Variants in MSN observed in about 807,000 individuals in gnomAD.
MSN encodes the protein epididymis luminal protein 70.
MSN carries 2 observed loss-of-function variants against 48.0 expected under a neutral mutation model. The observed-to-expected ratio is 0.04, with a 90% CI of 0.02 to 0.13. MSN has a LOEUF of 0.13. Ranked by LOEUF, MSN falls within the 10% of genes least tolerant of loss-of-function variation. The probability of loss-of-function intolerance (pLI) is 1.00; values close to 1 mark genes in which losing one functional copy is unlikely to be tolerated. For missense variants in MSN, 267 were observed against 470.1 expected, an observed-to-expected ratio of 0.57 and a Z score of 3.99; for synonymous variants, 146 against 166.9, an observed-to-expected ratio of 0.87 and a Z score of 0.97.
chrX:65,694,407 G>T (rs2071209463), intron 1 of MSN, among the ~76,000 whole-genome samples: 1 of 108,420 alleles, frequency 9.2e-6, no homozygotes, highest in Non-Finnish European at 1.9e-5. Context: ...TCCGCTCACT[G>T]CAGCCTTTGC....
chrX:65,631,749 A>G (rs1404610660), intron 1 of MSN, among the ~76,000 whole-genome samples: 1 of 111,757 alleles, frequency 8.9e-6, no homozygotes, highest in African/African-American at 3.3e-5. Flanking sequence ...ATCATGGCGC[A>G]CTGCAGCCTC....
chrX:65,605,754 C>A (rs1204304009), intron 1 of MSN, among the ~76,000 whole-genome samples: 2 of 111,286 alleles, frequency 1.8e-5, no homozygotes, highest in South Asian at 3.8e-4. Flanking sequence ...AAACCCATCA[C>A]CACCTCCTCT....
At chrX:65,696,239 A>G (rs1239172422) in intron 1 of MSN, among the ~76,000 whole-genome samples, 1 of 110,837 alleles carries the variant, frequency 9.0e-6, no homozygotes, top group Non-Finnish European at 1.9e-5. Context: ...ACACACACAC[A>G]CACACACACA....
chrX:65,637,218 C>T (rs1431576311), intron 1 of MSN, among the ~76,000 whole-genome samples: 2 of 109,506 alleles, frequency 1.8e-5, no homozygotes, highest in African/African-American at 6.6e-5. Flanking sequence ...GCGTGACCAA[C>T]ATAGAGAAAC....
intron 1 of MSN, among the ~76,000 whole-genome samples, chrX:65,622,510 GTT>G (rs1216557190): frequency 0.15 from 10,144 of 66,302 alleles, 1,537 homozygotes; most frequent in African/African-American, 0.46. Flanking sequence ...AGGCATCTTT[GTT>G]TTTTTTTTTT....
chrX:65,597,463 C>T (rs1201754781), intron 1 of MSN, among the ~76,000 whole-genome samples: 7 of 111,063 alleles, frequency 6.3e-5, no homozygotes, highest in African/African-American at 1.6e-4. Flanking sequence ...TCTCCCACCT[C>T]GCCCTCCCTA....
chrX:65,626,418 C>T (rs1461297242), intron 1 of MSN, among the ~76,000 whole-genome samples: 1 of 111,862 alleles, frequency 8.9e-6, no homozygotes, highest in East Asian at 2.8e-4. Context: ...TCAGATTCTC[C>T]TCTTTCTTCA....
chrX:65,738,520 CG>C lies in MSN; in HGVS notation c.1252-4del. 1 of 1,201,963 alleles carries C rather than the reference CG, an allele frequency of 8.3e-7. No homozygotes were observed. The highest frequency in any genetic ancestry group is 1.8e-5 in the South Asian group (1 of 55,316). ...AGCTCTCACAGGCTTCCAATTTATC[CG>C]TAGGCCTTGGAAATGGCAGAGCTGA... On this transcript the variant is annotated splice_region_variant and splice_polypyrimidine_tract_variant and intron_variant, in intron 10 of 12. Transcript: ENST00000360270.
chrX:65,694,394 A>G (rs1402667348), intron 1 of MSN, among the ~76,000 whole-genome samples: 8 of 107,797 alleles, frequency 7.4e-5, no homozygotes, highest in Non-Finnish European at 1.3e-4. Flanking sequence ...CAGTGGCACG[A>G]TCTCCGCTCA....
chrX:65,730,098 G>A (rs962784284), intron 4 of MSN, among the ~76,000 whole-genome samples: 1 of 111,809 alleles, frequency 8.9e-6, no homozygotes, highest in African/African-American at 3.3e-5. Context: ...GCAAACCGAG[G>A]ACATGGGGAG....
At chrX:65,716,679 T>G in intron 1 of MSN, 139 bp from the exon 2 acceptor site, 1 of 504,418 alleles carries the variant, frequency 2.0e-6, no homozygotes, top group East Asian at 3.7e-5. Context: ...ATATTCTCCC[T>G]TCATCCCCAT....
Position 65,619,395 on chromosome X carries a change from C to T in MSN, c.-22+30783C>T, listed in dbSNP as rs1227697799. On this transcript the variant is annotated intron_variant, in intron 1 of 3. Transcript: ENST00000609672. The stretch of plus-strand genomic sequence containing the variant: ...CACATAGTCCCATATTTCTTGGAGG[C>T]TTTGTTCATTTCTTTTTATTCTTTT... Among the ~76,000 whole-genome samples, 74 of 97,807 alleles carry T rather than the reference C, an allele frequency of 7.6e-4. 1 individual carries two copies. The highest frequency in any genetic ancestry group is 4.4e-3 in the South Asian group (11 of 2,517). The allele number at this position is 97,807 out of a possible 115,157, so 84.9% of individuals were successfully genotyped here. A position where few individuals can be genotyped will look rare whatever the true frequency, so the allele number is the denominator to read the frequency against.
At chrX:65,642,966 C>T (rs1053433824) in intron 1 of MSN, among the ~76,000 whole-genome samples, 1 of 110,640 alleles carries the variant, frequency 9.0e-6, no homozygotes, top group Non-Finnish European at 1.9e-5. Flanking sequence ...GATCTCCCCT[C>T]CCTAGCCACC....
chrX:65,612,584 A>G (rs1481341066), intron 1 of MSN, among the ~76,000 whole-genome samples: 1 of 107,863 alleles, frequency 9.3e-6, no homozygotes, highest in Non-Finnish European at 1.9e-5. Context: ...TTTGTGAAGC[A>G]GGGTCTCGCT....
chrX:65,654,918 A>G (rs551685215), intron 1 of MSN, among the ~76,000 whole-genome samples: 1 of 111,330 alleles, frequency 9.0e-6, no homozygotes, highest in South Asian at 3.8e-4. Context: ...GGCCCTGCTG[A>G]GATGAAGTCT....
At chrX:65,720,390 A>AG (rs1222139997) in intron 2 of MSN, among the ~76,000 whole-genome samples, 2 of 112,322 alleles carry the variant, frequency 1.8e-5, no homozygotes, top group Admixed American at 9.4e-5. Flanking sequence ...CATAAGAAGG[A>AG]GGGGGGCAGT....
At chrX:65,641,794 C>G (rs752297648) in intron 1 of MSN, among the ~76,000 whole-genome samples, 1 of 105,837 alleles carries the variant, frequency 9.4e-6, no homozygotes, top group African/African-American at 3.4e-5. Context: ...GAAATATATG[C>G]CTAAGGTTAT....
chrX:65,618,105 C>T (rs1477022773), intron 1 of MSN, among the ~76,000 whole-genome samples: 1 of 111,742 alleles, frequency 8.9e-6, no homozygotes, highest in Non-Finnish European at 1.9e-5. Context: ...TTTACATTTG[C>T]TGAGGATTTC....
In MSN at chrX:65,622,511, T is replaced by TC. The variant is rs1491488804; in HGVS notation, c.-22+33899_-22+33900insC. 1.8e-3 allele frequency among the ~76,000 whole-genome samples: 123 copies of TC among 69,366 alleles called. 3 individuals carry two copies. Among genetic ancestry groups the TC allele is most frequent in the African/African-American group, 0.016 (118 of 7,174 alleles). The allele number at this position is 69,366 out of a possible 115,157, so 60.2% of individuals were successfully genotyped here. On this transcript the variant is annotated intron_variant, in intron 1 of 3. Coordinates refer to the MSN transcript ENST00000609672. The stretch of plus-strand genomic sequence containing the variant: ...GCAGTGATGAAGCTAGGCATCTTTG[T>TC]TTTTTTTTTTTTTTTTTTTTTCTGA...
Sources: gnomAD v4.1 joint callset for allele counts (sites outside exome capture counted in the v4.1 genomes callset) on GRCh38, gnomAD v4.1.1 for gene constraint, MANE v1.5 for transcripts, NCBI Gene and HGNC (gene_info 2026-07-23, HGNC 2026-07-21) for gene names.